The following DAB1 variants were observed in gnomAD, a reference collection of about 807,000 sequenced individuals.
The protein encoded by DAB1 is disabled homolog 1.
Under a neutral mutation model 64.6 loss-of-function variants are expected in DAB1, and 15 were observed. The ratio of observed to expected loss-of-function variants is 0.23; its 90% CI spans 0.16 to 0.36. The LOEUF is 0.36. DAB1 is among the 10% of genes least tolerant of loss of function. The pLI, the probability that DAB1 is intolerant of heterozygous loss-of-function variation, is 1.00. For synonymous variants in DAB1, 235 were observed against 251.9 expected (o/e 0.93, Z 0.64); for missense variants, 596 against 706.7 (o/e 0.84, Z 1.78).
chr1:57,824,555 T>G (rs560650000), downstream of DAB1, among the ~76,000 whole-genome samples: 1 of 152,274 alleles, frequency 6.6e-6, no homozygotes, highest in South Asian at 2.1e-4. Context: ...AATACAGACA[T>G]TCTCAGCACA....
chr1:58,377,800 A>G (rs1323899139), intron 3 of DAB1, among the ~76,000 whole-genome samples: 2 of 139,480 alleles, frequency 1.4e-5, no homozygotes, highest in Admixed American at 7.2e-5. Flanking sequence ...CATTCTCCGC[A>G]TCACTTTCAG....
chr1:57,033,509 G>T (rs1439196921), intron 9 of DAB1: 5 of 1,612,712 alleles, frequency 3.1e-6, no homozygotes, highest in East Asian at 4.5e-5. Flanking sequence ...ACCAGAGAGG[G>T]CTGTAATTCT....
intron 3 of DAB1, among the ~76,000 whole-genome samples, chr1:58,447,431 T>C (rs1296405184): frequency 1.3e-5 from 2 of 151,972 alleles, no homozygotes; most frequent in Admixed American, 6.6e-5. Context: ...TATGTACCAG[T>C]TTTTTTTCCT....
At chr1:58,533,963 A>G in intron 1 of DAB1, 1 of 872,444 alleles carries the variant, frequency 1.1e-6, no homozygotes, top group Non-Finnish European at 2.0e-6. Flanking sequence ...AGCATGCCCA[A>G]GTACTGCATG....
intron 3 of DAB1, among the ~76,000 whole-genome samples, chr1:57,142,411 A>T (rs1271735223): frequency 6.6e-6 from 1 of 152,164 alleles, no homozygotes; most frequent in African/African-American, 2.4e-5. Context: ...AAGAAAAACC[A>T]CTGGGAGCTG....
At chr1:58,434,837 G>A (rs1644924021) in intron 3 of DAB1, among the ~76,000 whole-genome samples, 2 of 152,124 alleles carry the variant, frequency 1.3e-5, no homozygotes, top group Non-Finnish European at 2.9e-5. Context: ...CAAACTTCCT[G>A]AAAAATAACC....
chr1:58,391,164 G>A (rs988974318), intron 3 of DAB1, among the ~76,000 whole-genome samples: 1 of 152,244 alleles, frequency 6.6e-6, no homozygotes, highest in Non-Finnish European at 1.5e-5. Flanking sequence ...GCAGGAAATT[G>A]CTACCATTTC....
At chr1:58,090,653 C>T (rs1411622109) in intron 5 of DAB1, among the ~76,000 whole-genome samples, 2 of 152,142 alleles carry the variant, frequency 1.3e-5, no homozygotes, top group Non-Finnish European at 2.9e-5. Context: ...TAAATCTGAA[C>T]CCTCATGCTA....
At chr1:58,000,870 C>T (rs548355648) in intron 5 of DAB1, among the ~76,000 whole-genome samples, 2 of 151,636 alleles carry the variant, frequency 1.3e-5, no homozygotes, top group East Asian at 1.9e-4. Context: ...CACACCCAGC[C>T]TTTTTTGCCT....
At chr1:58,154,924 T>C (rs1165055520) in intron 4 of DAB1, among the ~76,000 whole-genome samples, 1 of 152,138 alleles carries the variant, frequency 6.6e-6, no homozygotes, top group African/African-American at 2.4e-5. Context: ...ATCATGAAAG[T>C]AGCAATTGCA....
intron 1 of DAB1, among the ~76,000 whole-genome samples, chr1:57,861,719 AATATT>A (rs1358029029): frequency 6.7e-6 from 1 of 150,152 alleles, no homozygotes; most frequent in Non-Finnish European, 1.5e-5. Context: ...TGCTTCACAC[AATATT>A]ATATCATCAA....
intron 4 of DAB1, among the ~76,000 whole-genome samples, chr1:58,188,684 GT>G (rs1216963313): frequency 6.6e-6 from 1 of 152,210 alleles, no homozygotes; most frequent in African/African-American, 2.4e-5. Context: ...AAGCCATGAT[GT>G]TTTAACAACT....
intron 2 of DAB1, among the ~76,000 whole-genome samples, chr1:57,276,056 T>C (rs1172624617): frequency 6.6e-6 from 1 of 152,230 alleles, no homozygotes; most frequent in African/African-American, 2.4e-5. Flanking sequence ...AAAAAGTTTA[T>C]GATATGAGAA....
chr1:57,680,485 C>T (rs777079766), intron 6 of DAB1, among the ~76,000 whole-genome samples: 5 of 152,054 alleles, frequency 3.3e-5, no homozygotes, highest in South Asian at 2.1e-4. Flanking sequence ...GTTTGTAGGC[C>T]GCCCAGATTT....
At chr1:58,127,241 G>T (rs1413552663) in intron 5 of DAB1, among the ~76,000 whole-genome samples, 1 of 152,124 alleles carries the variant, frequency 6.6e-6, no homozygotes, top group African/African-American at 2.4e-5. Flanking sequence ...GTGTTTCTTG[G>T]CTGCATAAAT....
intron 6 of DAB1, among the ~76,000 whole-genome samples, chr1:57,652,702 T>A (rs1445858370): frequency 2.0e-5 from 3 of 152,246 alleles, no homozygotes; most frequent in Non-Finnish European, 4.4e-5. Context: ...GATTTGTAAA[T>A]TTTGATCTTT....
chr1:57,396,138 C>T (rs553597822), intron 1 of DAB1, among the ~76,000 whole-genome samples: 50 of 152,304 alleles, frequency 3.3e-4, no homozygotes, highest in Middle Eastern at 3.4e-3. Flanking sequence ...AAAATGCCAG[C>T]GCACTTCAGT....
At chr1:57,727,127 G>C (rs1647224269) in intron 6 of DAB1, among the ~76,000 whole-genome samples, 1 of 152,182 alleles carries the variant, frequency 6.6e-6, no homozygotes, top group Non-Finnish European at 1.5e-5. Context: ...GGTGACTGCA[G>C]CTGCAATTCA....
chr1:57,079,444 G>A (rs1652284628), intron 4 of DAB1, among the ~76,000 whole-genome samples: 1 of 152,124 alleles, frequency 6.6e-6, no homozygotes, highest in Admixed American at 6.6e-5. Context: ...GATTACCGCA[G>A]TATCCTCAGT....
Sources: gnomAD v4.1 joint callset for allele counts (sites outside exome capture counted in the v4.1 genomes callset) on GRCh38, gnomAD v4.1.1 for gene constraint, MANE v1.5 for transcripts, NCBI Gene and HGNC (gene_info 2026-07-23, HGNC 2026-07-21) for gene names.